RUNX1: variants seen among roughly 807,000 people sequenced by gnomAD.
The protein encoded by RUNX1 is RUNX family transcription factor 1.
A neutral mutation model predicts 42.8 loss-of-function variants in RUNX1; 19 were observed. The observed-to-expected ratio is 0.44, with a 90% CI of 0.31 to 0.65. The LOEUF is 0.65. Ranked by LOEUF, RUNX1 falls within the 30% of genes least tolerant of loss-of-function variation. RUNX1 has a pLI of 0.07. For synonymous variants in RUNX1, 271 were observed against 289.4 expected (o/e 0.94, Z 0.64); for missense variants, 528 against 672.0 (o/e 0.79, Z 2.37).
In RUNX1 at chr21:34,891,138, C is replaced by G. The variant is rs371370186; in HGVS notation, c.97+1787G>C. Among the ~76,000 whole-genome samples, 26 of 152,336 alleles carry G rather than the reference C, an allele frequency of 1.7e-4. No individual in the cohort carries two copies. In the East Asian group the frequency reaches 5.0e-3, roughly 29 times the overall value. Reference sequence around the variant, plus strand: ...ACGGGGGCTGCGAGTCGGACTCGGGCTGCGGTCTCCCAGGAGGGAGTCAAG... The same window carrying G: ...ACGGGGGCTGCGAGTCGGACTCGGGGTGCGGTCTCCCAGGAGGGAGTCAAG... On this transcript the variant is annotated intron_variant, in intron 3 of 8. Transcript: ENST00000675419.
chr21:34,993,599 AGGCACACAC>A (rs2058965006), intron 2 of RUNX1, among the ~76,000 whole-genome samples: 1 of 117,084 alleles, frequency 8.5e-6, no homozygotes, highest in African/African-American at 3.5e-5. Context: ...ACACACACAC[AGGCACACAC>A]AGGCACACAC....
chr21:34,847,054 G>T (rs746439518), intron 6 of RUNX1, among the ~76,000 whole-genome samples: 1 of 152,138 alleles, frequency 6.6e-6, no homozygotes, highest in Non-Finnish European at 1.5e-5. Context: ...AAAGGAATAC[G>T]GACTCAGCAA....
intron 5 of RUNX1, among the ~76,000 whole-genome samples, chr21:34,873,942 C>T (rs532095473): frequency 2.0e-5 from 3 of 152,278 alleles, no homozygotes; most frequent in East Asian, 1.9e-4. Flanking sequence ...GCCAGGGAGC[C>T]GACAAAACGA....
Position 34,946,994 on chromosome 21 carries a change from G to A in RUNX1, c.59-54031C>T, listed in dbSNP as rs545808863. On this transcript the variant is annotated intron_variant, in intron 2 of 8. Transcript: ENST00000675419. ...TAGTTAAGCAGTTTCATTCTTTACAGACCACCTCAAAGGCCAATTCTACCA... is the reference window on the plus strand; with the variant it reads ...TAGTTAAGCAGTTTCATTCTTTACAAACCACCTCAAAGGCCAATTCTACCA... Among the ~76,000 whole-genome samples, 44 of 152,184 alleles carry A rather than the reference G, an allele frequency of 2.9e-4. No individual in the cohort carries two copies. In the South Asian group the frequency reaches 9.1e-3, roughly 32 times the overall value.
intron 2 of RUNX1, among the ~76,000 whole-genome samples, chr21:34,900,699 C>T (rs1248779939): frequency 6.6e-6 from 1 of 152,186 alleles, no homozygotes; most frequent in Non-Finnish European, 1.5e-5. Flanking sequence ...TCATGCATGC[C>T]TCAGCCTATA....
At chr21:35,008,739 C>T (rs1211813018) in intron 2 of RUNX1, among the ~76,000 whole-genome samples, 3 of 152,160 alleles carry the variant, frequency 2.0e-5, no homozygotes, top group African/African-American at 4.8e-5. Flanking sequence ...CCTTCATCAC[C>T]GATATGGCAG....
intron 2 of RUNX1, among the ~76,000 whole-genome samples, chr21:34,936,746 T>A (rs1467554330): frequency 6.6e-6 from 1 of 152,160 alleles, no homozygotes; most frequent in South Asian, 2.1e-4. Flanking sequence ...CCGGCTGGAG[T>A]GGAAAAGAAA....
intron 2 of RUNX1, among the ~76,000 whole-genome samples, chr21:34,998,820 C>A (rs898395949): frequency 3.3e-5 from 5 of 152,206 alleles, no homozygotes; most frequent in Non-Finnish European, 5.9e-5. Context: ...GGATTACAGG[C>A]GTGAGCCACC....
At chr21:34,889,315 A>G (rs941817343) in intron 3 of RUNX1, among the ~76,000 whole-genome samples, 1 of 152,060 alleles carries the variant, frequency 6.6e-6, no homozygotes, top group Non-Finnish European at 1.5e-5. Context: ...GATTCCTTGC[A>G]TGAGGCCGGA....
chr21:34,886,395 T>G (rs1320948670), intron 4 of RUNX1, among the ~76,000 whole-genome samples: 1 of 152,244 alleles, frequency 6.6e-6, no homozygotes, highest in East Asian at 1.9e-4. Context: ...TTTCACTGAC[T>G]TGAAGGCAGA....
chr21:34,938,286 C>G (rs1271671187), intron 2 of RUNX1, among the ~76,000 whole-genome samples: 2 of 152,130 alleles, frequency 1.3e-5, no homozygotes, highest in Admixed American at 1.3e-4. Flanking sequence ...ATCAAAACAA[C>G]AAGTAAGTGA....
In RUNX1 at chr21:34,970,341, G is replaced by A. The variant is rs575199735; in HGVS notation, c.59-77378C>T. ...TGACTCCAACACCATTAAGGGTGGC[G>A]AAATCAGGTTGGCAATAGCAGCACT... On this transcript the variant is annotated intron_variant, in intron 2 of 8. Coordinates refer to ENST00000675419, the MANE Select transcript of RUNX1 (RefSeq NM_001754.5). Among the ~76,000 whole-genome samples, 9 of 152,314 alleles carry A rather than the reference G, an allele frequency of 5.9e-5. No homozygotes were observed. The East Asian group carries it at 1.3e-3, about 23-fold the overall frequency.
In RUNX1 at chr21:34,790,632, C is replaced by A. The variant is rs866729621; in HGVS notation, c.*1503G>T. 8.6e-6 allele frequency: 2 copies of A among 233,282 alleles called. No homozygotes were observed. The highest frequency in any genetic ancestry group is 2.2e-5 in the African/African-American group (1 of 45,458). The allele number at this position is 233,282 out of a possible 1,614,324, so 14.5% of individuals were successfully genotyped here. A position where few individuals can be genotyped will look rare whatever the true frequency, so the allele number is the denominator to read the frequency against. ...TGGTGCACAGGTAAAAGCCCATATA[C>A]CCCATAGGGTAGGGTCTCAGCCTGG... On this transcript the variant is annotated 3_prime_UTR_variant, in exon 9 of 9. Coordinates refer to ENST00000675419, the MANE Select transcript of RUNX1 (RefSeq NM_001754.5).
intron 5 of RUNX1, among the ~76,000 whole-genome samples, chr21:34,871,308 G>C (rs2057733947): frequency 6.6e-6 from 1 of 152,148 alleles, no homozygotes; most frequent in African/African-American, 2.4e-5. Context: ...GATAGTTAAT[G>C]CTTACTAGTC....
chr21:34,864,880 GAGA>G (rs1372972215), intron 5 of RUNX1, among the ~76,000 whole-genome samples: 1 of 152,162 alleles, frequency 6.6e-6, no homozygotes, highest in Non-Finnish European at 1.5e-5. Flanking sequence ...AGCAGTGAGA[GAGA>G]AGAATTCCAT....
intron 2 of RUNX1, among the ~76,000 whole-genome samples, chr21:34,925,323 G>A (rs2058385025): frequency 6.6e-6 from 1 of 152,154 alleles, no homozygotes; most frequent in Non-Finnish European, 1.5e-5. Context: ...ATATGTTGAA[G>A]TCCTAATCTC....
intron 7 of RUNX1, among the ~76,000 whole-genome samples, chr21:34,803,083 G>C (rs1349728750): frequency 6.6e-6 from 1 of 152,170 alleles, no homozygotes; most frequent in Non-Finnish European, 1.5e-5. Flanking sequence ...TCAAGTAATA[G>C]TGTTTTGTTC....
rs544534385 is a variant in RUNX1, at chr21:34,907,651, C to G, written c.59-14688G>C. Reference sequence around the variant, plus strand: ...TCTGTGCCTCCGCTTCCACCTTTGCCAAGTCTAAAATCATGCCATGTAAAA... The same window carrying G: ...TCTGTGCCTCCGCTTCCACCTTTGCGAAGTCTAAAATCATGCCATGTAAAA... On this transcript the variant is annotated intron_variant, in intron 2 of 8. Coordinates refer to ENST00000675419, the MANE Select transcript of RUNX1 (RefSeq NM_001754.5). This position sits in a 1 kb window ranked among gnomAD's most constrained non-coding sequence, Gnocchi z 5.3. Among the ~76,000 whole-genome samples the G allele has an allele frequency of 6.6e-6, 1 of 152,184 alleles. No homozygotes were observed. The highest frequency in any genetic ancestry group is 2.1e-4 in the South Asian group (1 of 4,816).
At chr21:34,847,177 A>T (rs2057329551) in intron 6 of RUNX1, among the ~76,000 whole-genome samples, 1 of 152,258 alleles carries the variant, frequency 6.6e-6, no homozygotes, top group African/African-American at 2.4e-5. Flanking sequence ...CTTGCAAGAG[A>T]AAAGTATATT....
Sources: gnomAD v4.1 joint callset for allele counts (sites outside exome capture counted in the v4.1 genomes callset) on GRCh38, gnomAD v4.1.1 for gene constraint, Gnocchi (gnomAD v3.1) non-coding constraint, MANE v1.5 for transcripts, NCBI Gene and HGNC (gene_info 2026-07-23, HGNC 2026-07-21) for gene names.